Variants in CNOT2 observed in about 807,000 individuals in gnomAD.
CNOT2 encodes CCR4-NOT transcription complex subunit 2, also known as CC chemokine receptor 4-negative regulator of transcription 2.
In CNOT2, 7 loss-of-function variants were observed where a neutral mutation model predicts 72.1. The observed-to-expected ratio is 0.10, with a 90% CI of 0.06 to 0.18. CNOT2 has a LOEUF of 0.18. CNOT2 is among the 10% of genes least tolerant of loss of function. The pLI is 1.00. For missense variants in CNOT2, 345 were observed against 660.3 expected (o/e 0.52, Z 5.23); for synonymous variants, 196 against 225.6 (o/e 0.87, Z 1.17).
intron 1 of CNOT2, among the ~76,000 whole-genome samples, chr12:70,254,334 T>G (rs1958313376): frequency 6.6e-6 from 1 of 152,142 alleles, no homozygotes; most frequent in African/African-American, 2.4e-5. Flanking sequence ...TCTTGTGATC[T>G]GTCAGTCTGA....
intron 1 of CNOT2, among the ~76,000 whole-genome samples, chr12:70,265,360 G>A (rs1958992848): frequency 1.5e-5 from 2 of 131,942 alleles, no homozygotes; most frequent in African/African-American, 5.4e-5. Context: ...CTCTTTCACT[G>A]TGAGTTCATT....
intron 1 of CNOT2, among the ~76,000 whole-genome samples, chr12:70,261,178 T>C (rs1958733771): frequency 6.6e-6 from 1 of 152,054 alleles, no homozygotes; most frequent in Non-Finnish European, 1.5e-5. Flanking sequence ...ATTATTTTGT[T>C]TTTATGATGT....
At chr12:70,304,777 G>A (rs7974711) in intron 2 of CNOT2, among the ~76,000 whole-genome samples, 4,472 of 152,326 alleles carry the variant, frequency 0.029, 143 homozygotes, top group African/African-American at 0.067. Context: ...CAGAGGTGGA[G>A]CCTACAGAGG....
Position 70,344,200 on chromosome 12 carries a change from G to A in CNOT2, c.1363G>A (p.Val455Ile), listed in dbSNP as rs373865743. 24 of 1,611,590 alleles carry A rather than the reference G, an allele frequency of 1.5e-5. No homozygotes were observed. The highest frequency in any genetic ancestry group is 2.0e-5 in the Non-Finnish European group (23 of 1,178,114). ...TCTCTATTACATGAATGGAGGAGAC[G>A]TATTACAACTTTTAGCTGCAGTGGA... Reference protein sequence around the residue: ...FYLYYMNGGDVLQLLAAVELF... With the variant: ...FYLYYMNGGDILQLLAAVELF... Residue 455 changes from valine (V) to isoleucine (I), a missense_variant, in exon 14 of 16, where the codon GTA (valine) becomes ATA (isoleucine). Around this residue, in one of 4 missense-constraint regions of CNOT2, gnomAD observed 53 missense variants for 153.4 expected, o/e 0.35. Coordinates refer to ENST00000229195, the MANE Select transcript of CNOT2 (RefSeq NM_014515.7).
At chr12:70,324,897 C>A (rs1022937258) in intron 4 of CNOT2, among the ~76,000 whole-genome samples, 1 of 151,804 alleles carries the variant, frequency 6.6e-6, no homozygotes, top group Non-Finnish European at 1.5e-5. Flanking sequence ...CCACCAAACA[C>A]CTGGCTGAGT....
chr12:70,243,552 G>C (rs1957671474), intron 1 of CNOT2, 72 bp downstream of exon 1: 1 of 152,474 alleles, frequency 6.6e-6, no homozygotes, highest in Non-Finnish European at 1.5e-5. Context: ...CGGGGCCCCC[G>C]CAAGGCGGGG....
chr12:70,302,876 C>T (rs1433123543), intron 2 of CNOT2, among the ~76,000 whole-genome samples: 1 of 152,100 alleles, frequency 6.6e-6, no homozygotes, highest in Non-Finnish European at 1.5e-5. Flanking sequence ...TCACTAAGGA[C>T]TTGCTTTATG....
intron 1 of CNOT2, among the ~76,000 whole-genome samples, chr12:70,270,264 A>G (rs1001411960): frequency 5.3e-5 from 8 of 152,176 alleles, no homozygotes; most frequent in Admixed American, 1.3e-4. Flanking sequence ...GCAAGCTGCT[A>G]TAGTTATCCT....
At chr12:70,353,724 A>T in intron 15 of CNOT2, 105 bp from the exon 16 acceptor site, 168 of 1,398,936 alleles carry the variant, frequency 1.2e-4, no homozygotes, top group Non-Finnish European at 1.5e-4. Flanking sequence ...GTTGATGTTG[A>T]TTCATATATA....
At chr12:70,330,188 T>A (rs1879715276) in intron 5 of CNOT2, 99 bp from the exon 6 acceptor site, 1 of 565,822 alleles carries the variant, frequency 1.8e-6, no homozygotes, top group East Asian at 3.0e-5. Flanking sequence ...AATTTGAAAG[T>A]ATATTTGAGA....
In CNOT2 at chr12:70,272,811, C is replaced by G. The variant is rs532626489; in HGVS notation, c.-95-5321C>G. On this transcript the variant is annotated intron_variant, in intron 1 of 15. Coordinates refer to ENST00000229195, the MANE Select transcript of CNOT2 (RefSeq NM_014515.7). ...TCCTCAGACCTGTAACACTTCCTCC[C>G]ATATTCTTATGCTCACCCGATAACT... Among the ~76,000 whole-genome samples the G allele has an allele frequency of 1.9e-3, 291 of 152,242 alleles. 1 individual carries two copies. Among genetic ancestry groups the G allele is most frequent in the African/African-American group, 6.7e-3 (280 of 41,540 alleles).
rs569521221 is a variant in CNOT2, at chr12:70,280,385, A to G, written c.48+2111A>G. 2.6e-5 allele frequency among the ~76,000 whole-genome samples: 4 copies of G among 152,274 alleles called. No homozygotes were observed. In the East Asian group the frequency reaches 7.7e-4, roughly 29 times the overall value. On this transcript the variant is annotated intron_variant, in intron 2 of 15. Coordinates refer to ENST00000229195, the MANE Select transcript of CNOT2 (RefSeq NM_014515.7). ...TATAATTAACAAGAAGGTATTGTAT[A>G]TTTCAAAATAGCTAGAAGAGAGAAC...
intron 2 of CNOT2, among the ~76,000 whole-genome samples, chr12:70,286,456 CT>C (rs1870911427): frequency 6.7e-6 from 1 of 149,784 alleles, no homozygotes; most frequent in African/African-American, 2.4e-5. Flanking sequence ...GTACAGTTTC[CT>C]TTCCCCTGCA....
At chr12:70,331,637 G>A (rs1328464255) in intron 6 of CNOT2, 1 of 151,760 alleles carries the variant, frequency 6.6e-6, no homozygotes, top group Non-Finnish European at 1.5e-5. Flanking sequence ...CTTATTCCAT[G>A]TTTGATGGTA....
At chr12:70,348,178 C>G (rs1882438402) in intron 15 of CNOT2, 1 of 152,194 alleles carries the variant, frequency 6.6e-6, no homozygotes, top group Non-Finnish European at 1.5e-5. Context: ...TACTAGTTTA[C>G]TGCTATTGTT....
intron 2 of CNOT2, among the ~76,000 whole-genome samples, chr12:70,304,573 A>G (rs1292848679): frequency 6.6e-6 from 1 of 152,208 alleles, no homozygotes; most frequent in Non-Finnish European, 1.5e-5. Context: ...GTTTTGTCTC[A>G]GGAGTATCTG....
At chr12:70,250,330 C>T (rs919466360) in intron 1 of CNOT2, among the ~76,000 whole-genome samples, 9 of 152,022 alleles carry the variant, frequency 5.9e-5, no homozygotes, top group Non-Finnish European at 8.8e-5. Flanking sequence ...TATAATTTAG[C>T]TGCTTTTTAG....
intron 2 of CNOT2, chr12:70,301,822 A>G (rs1346080474): frequency 6.6e-6 from 1 of 152,244 alleles, no homozygotes; most frequent in Admixed American, 6.5e-5. Flanking sequence ...TACCTCTGGT[A>G]GAATTCGGCT....
intron 3 of CNOT2, among the ~76,000 whole-genome samples, chr12:70,316,201 G>T (rs943432667): frequency 6.6e-6 from 1 of 152,092 alleles, no homozygotes; most frequent in African/African-American, 2.4e-5. Flanking sequence ...CTTTTTACTT[G>T]TGCTGCATCC....
Sources: gnomAD v4.1 joint callset for allele counts (sites outside exome capture counted in the v4.1 genomes callset) on GRCh38, gnomAD v4.1.1 for gene constraint, gnomAD v4.1.1 regional missense constraint, MANE v1.5 for transcripts, NCBI Gene and HGNC (gene_info 2026-07-23, HGNC 2026-07-21) for gene names.